Variants in NUP155 observed in about 807,000 individuals in gnomAD.
The protein encoded by NUP155 is nuclear pore complex protein Nup155.
In NUP155, 71 loss-of-function variants were observed where a neutral mutation model predicts 180.4. The ratio of observed to expected loss-of-function variants is 0.39; its 90% CI spans 0.33 to 0.48. The LOEUF is 0.48. Among genes scored for constraint, NUP155 ranks in the 20% least tolerant of loss-of-function variants. NUP155 has a pLI of 0.91. For missense variants in NUP155, 1,553 were observed against 1,648.9 expected (o/e 0.94, Z 1.01); for synonymous variants, 582 against 559.5 (o/e 1.04, Z -0.57).
intron 13 of NUP155, among the ~76,000 whole-genome samples, chr5:37,332,368 C>A (rs1224098438): frequency 7.9e-6 from 1 of 127,318 alleles, no homozygotes; most frequent in Admixed American, 9.8e-5. Flanking sequence ...GTCTCCCAGG[C>A]TGGAGTGCAG....
rs1257896769 is a variant in NUP155 at position 37,364,390 on chromosome 5, A to G, written c.158-6T>C. 9.9e-6 allele frequency: 16 copies of G among 1,611,352 alleles called. No homozygotes were observed. In the South Asian group the frequency reaches 1.3e-4, roughly 13 times the overall value. On this transcript the variant is annotated splice_region_variant and splice_polypyrimidine_tract_variant and intron_variant, in intron 1 of 34. Transcript: ENST00000231498. ...GCCAGAAACGGTGGGATTATCTACA[A>G]AAAGAAAATGAAGTATTTATAATAA...
In NUP155 at chr5:37,301,263, A is replaced by G. The variant is rs909406449; in HGVS notation, c.3561+174T>C. 1.1e-5 allele frequency: 6 copies of G among 568,364 alleles called. No individual in the cohort carries two copies. The South Asian group carries it at 1.2e-4, about 11-fold the overall frequency. 35.2% of individuals were successfully genotyped at this position (568,364 alleles called of 1,614,324 possible). ...GGAAAGAGTAGCTTAGCCTTTTTCT[A>G]GGAGTCAGATGAAGCAGTGGTGATC... On this transcript the variant is annotated intron_variant, in intron 30 of 34. Coordinates refer to ENST00000231498, the MANE Select transcript of NUP155 (RefSeq NM_153485.3).
At position 37,330,664 on chromosome 5, in the gene NUP155, G is replaced by A. The variant is rs377706369; in HGVS notation, c.1630-532C>T. 7.9e-5 allele frequency among the ~76,000 whole-genome samples: 12 copies of A among 152,100 alleles called. No individual in the cohort carries two copies. The South Asian group carries it at 2.5e-3, about 32-fold the overall frequency. On this transcript the variant is annotated intron_variant, in intron 14 of 34. Coordinates refer to ENST00000231498, the MANE Select transcript of NUP155 (RefSeq NM_153485.3). Reference sequence around the variant, plus strand: ...AATTTTAACCGTATCAATTCCAGTTGTGGCTCTGAAATACTAAGATCTCTA... The same window carrying A: ...AATTTTAACCGTATCAATTCCAGTTATGGCTCTGAAATACTAAGATCTCTA...
chr5:37,330,359 A>T (rs935423754), intron 14 of NUP155, among the ~76,000 whole-genome samples: 2 of 152,196 alleles, frequency 1.3e-5, no homozygotes, highest in Non-Finnish European at 2.9e-5. Flanking sequence ...CTTTTAACCT[A>T]GATTCTGACT....
chr5:37,354,434 C>T (rs115763843), intron 4 of NUP155, among the ~76,000 whole-genome samples: 8,207 of 147,736 alleles, frequency 0.056, 714 homozygotes, highest in African/African-American at 0.19. Flanking sequence ...CGTGAACCAA[C>T]GCACCCAGTG....
rs908547549 is a variant in NUP155 at position 37,318,314 on chromosome 5, TA to T, written c.2208-230del. On this transcript the variant is annotated intron_variant, in intron 20 of 34. Transcript: ENST00000231498. Reference sequence around the variant, plus strand: ...ATTAAATGACTGAGAACATCAGCTATAAATTTTCCTAACCTGTAGAAAAAAA... The same window carrying T: ...ATTAAATGACTGAGAACATCAGCTATAATTTTCCTAACCTGTAGAAAAAAA... Among the ~76,000 whole-genome samples, 65 of 151,826 alleles carry T rather than the reference TA, an allele frequency of 4.3e-4. 1 individual carries two copies. The highest frequency in any genetic ancestry group is 4.1e-3 in the Admixed American group (62 of 15,222).
At position 37,303,032 on chromosome 5, in the gene NUP155, A is replaced by C. The variant is rs1742950376; in HGVS notation, c.3318-124T>G. On this transcript the variant is annotated intron_variant, in intron 28 of 34. Transcript: ENST00000231498. ...AAAAAGCCATCTGAAACTTGAAAAA[A>C]AATCATTAGATTTAAAAAAAAATCT... The C allele has an allele frequency of 2.2e-5, 26 of 1,177,286 alleles. No homozygotes were observed. The South Asian group carries it at 3.1e-4, about 14-fold the overall frequency. The allele number at this position is 1,177,286 out of a possible 1,614,324, so 72.9% of individuals were successfully genotyped here.
At chr5:37,358,205 G>T in intron 3 of NUP155, 54 bp from the exon 4 acceptor site, 2 of 1,262,348 alleles carry the variant, frequency 1.6e-6, no homozygotes, top group South Asian at 1.2e-5. Flanking sequence ...TAGGCCAGAT[G>T]TGGTGGCTCA....
intron 18 of NUP155, chr5:37,327,051 TCTTC>T (rs140721615): frequency 0.059 from 9,084 of 154,340 alleles, 336 homozygotes; most frequent in South Asian, 0.12. Flanking sequence ...ATATATTTTC[TCTTC>T]CTTATGATTT....
At chr5:37,293,583 CA>C (rs1742347344) in intron 33 of NUP155, among the ~76,000 whole-genome samples, 1 of 152,172 alleles carries the variant, frequency 6.6e-6, no homozygotes, top group African/African-American at 2.4e-5. Context: ...TTATCCTTAG[CA>C]TAAAAATTAC....
In NUP155 at chr5:37,318,559, C is replaced by T. The variant is rs866631798; in HGVS notation, c.2208-474G>A. Among the ~76,000 whole-genome samples, 9 of 151,832 alleles carry T rather than the reference C, an allele frequency of 5.9e-5. 1 individual carries two copies. The South Asian group carries it at 6.2e-4, about 10-fold the overall frequency. ...ATCAGCATGATGCTCAAAGGAAATG[C>T]GCACTGGAGCAATTTCGATTTCAAA... On this transcript the variant is annotated intron_variant, in intron 20 of 34. Transcript: ENST00000231498.
At chr5:37,368,081 A>G (rs1263009015) in intron 1 of NUP155, among the ~76,000 whole-genome samples, 1 of 151,934 alleles carries the variant, frequency 6.6e-6, no homozygotes, top group Non-Finnish European at 1.5e-5. Context: ...GCACCCAGCC[A>G]CTTTTTGTAG....
intron 22 of NUP155, among the ~76,000 whole-genome samples, chr5:37,312,996 G>A (rs1743622948): frequency 6.6e-6 from 1 of 152,050 alleles, no homozygotes; most frequent in Non-Finnish European, 1.5e-5. Flanking sequence ...TAAATAAAAG[G>A]TAGGAATAAA....
Position 37,348,601 on chromosome 5 carries a change from G to A in NUP155, c.904-5C>T. 1 of 1,561,008 alleles carries A rather than the reference G, an allele frequency of 6.4e-7. No homozygotes were observed. Among genetic ancestry groups the A allele is most frequent in the Non-Finnish European group, 8.8e-7 (1 of 1,131,718 alleles). On this transcript the variant is annotated splice_polypyrimidine_tract_variant and splice_region_variant and intron_variant, in intron 8 of 34. Transcript: ENST00000231498. ...ATCTTGTCCCAAATCATACACCTGT[G>A]AATACAAAATCATTCTCACTTAAAC... is the stretch of plus-strand genomic sequence containing the variant.
chr5:37,318,368 G>T (rs1049922136), intron 20 of NUP155, among the ~76,000 whole-genome samples: 1 of 151,974 alleles, frequency 6.6e-6, no homozygotes, highest in Admixed American at 6.6e-5. Context: ...GGGGGTAAAG[G>T]AGAGAAAGGA....
At position 37,333,622 on chromosome 5, in the gene NUP155, A is replaced by C; in HGVS notation, c.1359T>G (p.Gly453=). 22 of 1,613,266 alleles carry C rather than the reference A, an allele frequency of 1.4e-5. No homozygotes were observed. Among genetic ancestry groups the C allele is most frequent in the Non-Finnish European group, 1.9e-5 (22 of 1,179,430 alleles). The change falls in exon 13 of 35, where the codon GGT becomes GGG. Residue 453 remains glycine (G), a synonymous_variant. Transcript: ENST00000231498. ...AAAGAGCCCAGGAATGACCATCAAC[A>C]CCAGCTGTCATCTATGTAAAAGAAA... ...KPMMETQMTA[G]VDGHSWALSA... is the part of the protein sequence containing the mutation.
chr5:37,327,693 C>T lies in NUP155; in HGVS notation c.1960G>A (p.Gly654Arg), dbSNP rs1744690784. 14 of 1,614,094 alleles carry T rather than the reference C, an allele frequency of 8.7e-6. No individual in the cohort carries two copies. Among genetic ancestry groups the T allele is most frequent in the Non-Finnish European group, 1.2e-5 (14 of 1,179,968 alleles). ...TQATNMSCVT[G>R]PEIVYSGKHN... ...TTTCCAGAGTACACAATCTCTGGTCCAGTCACACAACTCATATTTGTGGCC... is the reference window on the plus strand; with the variant it reads ...TTTCCAGAGTACACAATCTCTGGTCTAGTCACACAACTCATATTTGTGGCC... Residue 654 changes from glycine to arginine, a missense_variant, in exon 18 of 35, where the codon GGA becomes AGA. Transcript: ENST00000231498.
rs766789291 is a variant in NUP155 at position 37,358,115 on chromosome 5, A to G, written c.429T>C (p.Thr143=). The stretch of plus-strand genomic sequence containing the variant: ...GCTTCACAAGCCCCACAGCAAGAAT[A>G]GTCTCACTAAGTCCATCAAAATAGG... The part of the protein sequence containing the change: ...DLAYFDGLSE[T]ILAVGLVKPK... Residue 143 remains threonine (T), a synonymous_variant, in exon 4 of 35, where the codon ACT becomes ACC. Transcript: ENST00000231498. 2 of 1,613,432 alleles carry G rather than the reference A, an allele frequency of 1.2e-6. No homozygotes were observed. Among genetic ancestry groups the G allele is most frequent in the East Asian group, 2.2e-5 (1 of 44,880 alleles).
intron 12 of NUP155, 79 bp downstream of exon 12, chr5:37,337,739 A>T (rs1217133749): frequency 9.9e-6 from 8 of 812,128 alleles, no homozygotes; most frequent in Non-Finnish European, 1.7e-5. Context: ...GCAATACATC[A>T]GAAGATAAAA....
Sources: allele counts gnomAD v4.1 joint callset (sites outside exome capture counted in the v4.1 genomes callset), GRCh38; gene constraint gnomAD v4.1.1; transcripts MANE v1.5; gene names NCBI Gene and HGNC (gene_info 2026-07-23, HGNC 2026-07-21).